MRTFA: variants seen among roughly 807,000 people sequenced by gnomAD.
The protein encoded by MRTFA is myocardin related transcription factor A, also known as myocardin-related transcription factor A.
A neutral mutation model predicts 83.5 loss-of-function variants in MRTFA; 20 were observed. The observed-to-expected ratio is 0.24, with a 90% confidence interval of 0.17 to 0.35. MRTFA has a LOEUF of 0.35. Among genes scored for constraint, MRTFA ranks in the 10% least tolerant of loss-of-function variants. The pLI is 1.00. For missense variants in MRTFA, 1,200 were observed against 1,224.7 expected (o/e 0.98, Z 0.30); for synonymous variants, 659 against 541.2 (o/e 1.22, Z -3.02).
At chr22:40,533,938 G>A in intron 3 of MRTFA, 1 of 283,788 alleles carries the variant, frequency 3.5e-6, no homozygotes. Flanking sequence ...GGAGGGGAGA[G>A]ACATATATAA....
chr22:40,434,902 G>A (rs1382400860), intron 5 of MRTFA, among the ~76,000 whole-genome samples: 1 of 152,096 alleles, frequency 6.6e-6, no homozygotes, highest in East Asian at 1.9e-4. Flanking sequence ...TATTCCTCAG[G>A]GGCCCCTGGG....
intron 2 of MRTFA, among the ~76,000 whole-genome samples, chr22:40,584,308 G>T (rs1188265713): frequency 6.6e-6 from 1 of 152,184 alleles, no homozygotes; most frequent in East Asian, 1.9e-4. Flanking sequence ...GCAAAGCCAG[G>T]AAAACCCAGA....
intron 2 of MRTFA, among the ~76,000 whole-genome samples, chr22:40,575,858 A>G (rs1380374000): frequency 6.6e-6 from 1 of 152,140 alleles, no homozygotes; most frequent in East Asian, 1.9e-4. Flanking sequence ...CAACTCTCAC[A>G]AGTTAACTGT....
intron 3 of MRTFA, among the ~76,000 whole-genome samples, chr22:40,544,085 T>C (rs1260036318): frequency 6.6e-6 from 1 of 152,106 alleles, no homozygotes; most frequent in African/African-American, 2.4e-5. Flanking sequence ...AAGAAGAGTA[T>C]TTTCAATAAA....
At chr22:40,445,617 C>T (rs952679888) in intron 4 of MRTFA, among the ~76,000 whole-genome samples, 2 of 152,128 alleles carry the variant, frequency 1.3e-5, no homozygotes, top group African/African-American at 2.4e-5. Context: ...GGCGCAATCT[C>T]GGCTCACTGC....
intron 2 of MRTFA, among the ~76,000 whole-genome samples, chr22:40,571,026 CAA>C (rs71199292): frequency 1.2e-3 from 56 of 46,728 alleles, no homozygotes; most frequent in Middle Eastern, 0.024. Flanking sequence ...CCTGTCTCTA[CAA>C]AAAAAAAAAA....
At chr22:40,489,757 T>G (rs2054240226) in intron 3 of MRTFA, among the ~76,000 whole-genome samples, 1 of 152,062 alleles carries the variant, frequency 6.6e-6, no homozygotes, top group Admixed American at 6.6e-5. Flanking sequence ...GGCGAGTGGA[T>G]CACTTGAGGT....
At chr22:40,479,815 A>T (rs1470008113) in intron 3 of MRTFA, among the ~76,000 whole-genome samples, 1 of 152,202 alleles carries the variant, frequency 6.6e-6, no homozygotes, top group Non-Finnish European at 1.5e-5. Context: ...ATTTCTGATA[A>T]GGAATACTCT....
At chr22:40,461,628 CAA>C (rs71199287) in intron 4 of MRTFA, among the ~76,000 whole-genome samples, 1,907 of 100,358 alleles carry the variant, frequency 0.019, 48 homozygotes, top group African/African-American at 0.059. Flanking sequence ...ACTAAAAATA[CAA>C]AAAAAAAAAA....
chr22:40,559,080 C>G (rs1293695999), intron 2 of MRTFA, among the ~76,000 whole-genome samples: 2 of 152,080 alleles, frequency 1.3e-5, no homozygotes, highest in African/African-American at 4.8e-5. Flanking sequence ...CTGTGCCCAG[C>G]CAAGGAAGTT....
chr22:40,551,125 C>T (rs1490098147), intron 3 of MRTFA, among the ~76,000 whole-genome samples: 3 of 151,894 alleles, frequency 2.0e-5, no homozygotes, highest in East Asian at 1.9e-4. Flanking sequence ...CATGAGTCAC[C>T]GTGCCCAGCC....
At chr22:40,516,379 C>G (rs1178385325) in intron 3 of MRTFA, among the ~76,000 whole-genome samples, 3 of 133,636 alleles carry the variant, frequency 2.2e-5, no homozygotes, top group Non-Finnish European at 4.6e-5. Flanking sequence ...AAGATTACAC[C>G]ATCACACTCC....
At chr22:40,480,925 CT>C (rs1244608991) in intron 3 of MRTFA, among the ~76,000 whole-genome samples, 1 of 151,664 alleles carries the variant, frequency 6.6e-6, no homozygotes, top group Non-Finnish European at 1.5e-5. Flanking sequence ...GAGTTCAAGA[CT>C]TTTCTGAGCA....
chr22:40,602,993 C>T (rs781644587), intron 1 of MRTFA, among the ~76,000 whole-genome samples: 3 of 152,176 alleles, frequency 2.0e-5, no homozygotes, highest in Non-Finnish European at 2.9e-5. Flanking sequence ...GTACTTAATC[C>T]TTTAAAATAT....
At chr22:40,570,577 C>CAA (rs894548892) in intron 2 of MRTFA, among the ~76,000 whole-genome samples, 8,818 of 23,102 alleles carry the variant, frequency 0.38, 2,633 homozygotes, top group East Asian at 0.69. Flanking sequence ...GACTCTGTCT[C>CAA]AAAAAAAAAA....
intron 11 of MRTFA, 87 bp from the exon 12 acceptor site, chr22:40,419,471 G>C: frequency 8.1e-7 from 1 of 1,233,688 alleles, no homozygotes; most frequent in Non-Finnish European, 1.2e-6. Context: ...GGGCCCCATG[G>C]GCCACTGCAG....
At chr22:40,488,867 T>C (rs1602324279) in intron 3 of MRTFA, among the ~76,000 whole-genome samples, 1 of 152,168 alleles carries the variant, frequency 6.6e-6, no homozygotes, top group East Asian at 1.9e-4. Flanking sequence ...TCCTCACTGC[T>C]TTAGCCACAT....
chr22:40,446,155 C>T (rs1042135284), intron 4 of MRTFA, among the ~76,000 whole-genome samples: 1 of 152,242 alleles, frequency 6.6e-6, no homozygotes, highest in African/African-American at 2.4e-5. Flanking sequence ...GTAATTAACA[C>T]ATAATCTATG....
At chr22:40,567,361 T>C (rs1008523524) in intron 2 of MRTFA, among the ~76,000 whole-genome samples, 3 of 152,224 alleles carry the variant, frequency 2.0e-5, no homozygotes, top group Non-Finnish European at 4.4e-5. Flanking sequence ...TGGAATTCTA[T>C]TTGTCTTCTA....
Sources: gnomAD v4.1 joint callset for allele counts (sites outside exome capture counted in the v4.1 genomes callset) on GRCh38, gnomAD v4.1.1 for gene constraint, MANE v1.5 for transcripts, NCBI Gene and HGNC (gene_info 2026-07-23, HGNC 2026-07-21) for gene names.